The following ANKRD11 variants were observed in gnomAD, a reference collection of about 807,000 sequenced individuals.
ANKRD11 encodes ankyrin repeat domain-containing protein 11.
ANKRD11 carries 17 observed loss-of-function variants against 195.7 expected under a neutral mutation model. That is an observed-to-expected ratio of 0.09 (90% confidence interval 0.06 to 0.13). The LOEUF (loss-of-function observed/expected upper bound fraction) is 0.13. Ranked by LOEUF, ANKRD11 falls within the 10% of genes least tolerant of loss-of-function variation. The probability of loss-of-function intolerance (pLI) is 1.00; values close to 1 mark genes in which losing one functional copy is unlikely to be tolerated. For synonymous variants in ANKRD11, 1,953 were observed against 1,528.1 expected (o/e 1.28, Z -6.49); for missense variants, 3,735 against 3,566.1 (o/e 1.05, Z -1.21).
intron 9 of ANKRD11, chr16:89,277,739 G>C: frequency 6.6e-6 from 1 of 152,436 alleles, no homozygotes; most frequent in East Asian, 1.9e-4. Context: ...GCAGAGCTCA[G>C]AGCTTGGCAG....
At chr16:89,488,347 A>G (rs2057690020) in intron 1 of ANKRD11, among the ~76,000 whole-genome samples, 1 of 151,990 alleles carries the variant, frequency 6.6e-6, no homozygotes, top group South Asian at 2.1e-4. Flanking sequence ...CTACAGAAAG[A>G]GGAGAACAAC....
rs556998715 is a variant in ANKRD11 at position 89,452,902 on chromosome 16, C to T, written c.-144-34534G>A. Among the ~76,000 whole-genome samples the T allele has an allele frequency of 3.9e-5, 6 of 152,182 alleles. No individual in the cohort carries two copies. The East Asian group carries it at 1.2e-3, about 29-fold the overall frequency. The stretch of plus-strand genomic sequence containing the variant: ...GTCTTCTTGAAAGAAACTGCACACG[C>T]CCGCTTTTTCATACAATCACACATG... On this transcript the variant is annotated intron_variant, in intron 1 of 12. Transcript: ENST00000301030.
At chr16:89,428,042 TAATAAA>T (rs1220186123) in intron 1 of ANKRD11, among the ~76,000 whole-genome samples, 1 of 149,614 alleles carries the variant, frequency 6.7e-6, no homozygotes, top group Non-Finnish European at 1.5e-5. Context: ...ACGCCATCTC[TAATAAA>T]AATACAAAAA....
At position 89,279,403 on chromosome 16, in the gene ANKRD11, T is replaced by C. The variant is rs1285312280; in HGVS notation, c.7139A>G (p.Gln2380Arg). 9 of 1,544,856 alleles carry C rather than the reference T, an allele frequency of 5.8e-6. No individual in the cohort carries two copies. In the African/African-American group the frequency reaches 9.7e-5, roughly 17 times the overall value. Reference sequence around the variant, plus strand: ...GCGGCGTTTGCGCGGATGCTGGGCCTGGGCGTCGTCGTCCTCGGAGCCGCG... The same window carrying C: ...GCGGCGTTTGCGCGGATGCTGGGCCCGGGCGTCGTCGTCCTCGGAGCCGCG... ...KARGSEDDDA[Q>R]AQHPRKRRFQ... is the part of the protein sequence containing the mutation. The change falls in exon 9 of 13, where the codon CAG becomes CGG. Residue 2380 changes from glutamine (Q) to arginine (R), a missense_variant. Coordinates refer to ENST00000301030, the MANE Select transcript of ANKRD11 (RefSeq NM_013275.6). This position sits in a 1 kb window ranked among gnomAD's most constrained non-coding sequence, Gnocchi z 5.6.
At chr16:89,408,700 C>T (rs1297266847) in intron 2 of ANKRD11, among the ~76,000 whole-genome samples, 1 of 152,178 alleles carries the variant, frequency 6.6e-6, no homozygotes, top group Non-Finnish European at 1.5e-5. Flanking sequence ...AATACAACCA[C>T]CTCTGGCCTC....
intron 2 of ANKRD11, among the ~76,000 whole-genome samples, chr16:89,347,199 C>T (rs1370793032): frequency 1.1e-4 from 16 of 152,156 alleles, no homozygotes; most frequent in Admixed American, 1.0e-3. Flanking sequence ...CACAGCAGCA[C>T]CTGGGTGAGG....
chr16:89,288,903 T>C (rs1003846152), intron 6 of ANKRD11: 6 of 613,100 alleles, frequency 9.8e-6, no homozygotes, highest in Non-Finnish European at 1.7e-5. Flanking sequence ...CCCTACGGAC[T>C]GACAACCTGC....
chr16:89,388,369 A>G (rs966333060), intron 2 of ANKRD11, among the ~76,000 whole-genome samples: 5 of 136,990 alleles, frequency 3.6e-5, no homozygotes, highest in African/African-American at 1.4e-4. Context: ...TGACCTCGTG[A>G]TCTGCCCGCC....
chr16:89,324,503 T>C (rs1252351960), intron 2 of ANKRD11: 1 of 456,320 alleles, frequency 2.2e-6, no homozygotes, highest in Middle Eastern at 3.3e-4. Flanking sequence ...CCTGGGAGCA[T>C]CTTGAGGAAG....
chr16:89,279,799 T>C lies in ANKRD11; in HGVS notation c.6743A>G (p.Gln2248Arg). The C allele has an allele frequency of 9.1e-6, 14 of 1,539,388 alleles. No individual in the cohort carries two copies. Among genetic ancestry groups the C allele is most frequent in the Non-Finnish European group, 1.2e-5 (14 of 1,146,442 alleles). Residue 2248 changes from glutamine (Q) to arginine (R), a missense_variant, in exon 9 of 13, where the codon CAG becomes CGG. Physicochemically the swap from Gln to Arg is conservative, Grantham distance 43. Coordinates refer to ENST00000301030, the MANE Select transcript of ANKRD11 (RefSeq NM_013275.6). The surrounding 1 kb of genome is among the most constrained non-coding windows in gnomAD (Gnocchi z 5.6). ...SVEPAPVPPE[Q>R]RPLGSGDQGA... ...CTGGTCTCCGCTCCCCAGTGGGCGC[T>C]GTTCTGGGGGAACGGGCGCGGGCTC...
intron 1 of ANKRD11, among the ~76,000 whole-genome samples, chr16:89,469,795 A>C (rs974093778): frequency 2.2e-4 from 23 of 102,700 alleles, no homozygotes; most frequent in Admixed American, 6.4e-4. Context: ...GCTACTCGGG[A>C]GGCTGAGGCA....
intron 7 of ANKRD11, chr16:89,286,596 G>C: frequency 9.0e-7 from 1 of 1,116,830 alleles, no homozygotes; most frequent in Non-Finnish European, 1.1e-6. Context: ...GCTCAGGCAA[G>C]AGGTTAGGGA....
intron 2 of ANKRD11, among the ~76,000 whole-genome samples, chr16:89,374,679 G>A (rs2040343266): frequency 1.3e-5 from 2 of 152,204 alleles, no homozygotes; most frequent in Non-Finnish European, 2.9e-5. Context: ...CCTCCAGAGA[G>A]CATCGGGAAA....
chr16:89,444,887 C>T lies in ANKRD11; in HGVS notation c.-144-26519G>A, dbSNP rs961186021. Reference sequence around the variant, plus strand: ...TACAGTGTGAGAAATGCATGAGGGGCTTAAGCTCAGGGAACCACCACCTAA... The same window carrying T: ...TACAGTGTGAGAAATGCATGAGGGGTTTAAGCTCAGGGAACCACCACCTAA... On this transcript the variant is annotated intron_variant, in intron 1 of 12. Transcript: ENST00000301030. Among the ~76,000 whole-genome samples the T allele has an allele frequency of 4.6e-5, 7 of 152,328 alleles. No individual in the cohort carries two copies. The South Asian group carries it at 1.4e-3, about 32-fold the overall frequency.
rs542926090 is a variant in ANKRD11 at position 89,485,833 on chromosome 16, T to C, written c.-145+4412A>G. On this transcript the variant is annotated intron_variant, in intron 1 of 12. Coordinates refer to ENST00000301030, the MANE Select transcript of ANKRD11 (RefSeq NM_013275.6). ...ATATCACTCCACCTGCTCAGCTACA[T>C]GTGACCAGAGGGGCCTCCGGACAAA... Among the ~76,000 whole-genome samples the C allele has an allele frequency of 7.9e-5, 12 of 152,296 alleles. No individual in the cohort carries two copies. The South Asian group carries it at 2.1e-3, about 26-fold the overall frequency.
At chr16:89,357,507 T>TTTTGTATA (rs1312065691) in intron 2 of ANKRD11, among the ~76,000 whole-genome samples, 1 of 152,120 alleles carries the variant, frequency 6.6e-6, no homozygotes, top group Non-Finnish European at 1.5e-5. Flanking sequence ...GATCCAGCAG[T>TTTTGTATA]TCCCCTTCTG....
chr16:89,274,263 A>T (rs542874014), intron 11 of ANKRD11, among the ~76,000 whole-genome samples: 5 of 152,324 alleles, frequency 3.3e-5, no homozygotes, highest in African/African-American at 9.6e-5. Context: ...GGAGCCCCAC[A>T]GCAGATGGGC....
At chr16:89,437,851 A>G (rs893151537) in intron 1 of ANKRD11, among the ~76,000 whole-genome samples, 9 of 152,162 alleles carry the variant, frequency 5.9e-5, no homozygotes, top group African/African-American at 2.2e-4. Context: ...GCCCAGTTCA[A>G]TCTCCTATGG....
chr16:89,275,767 G>C (rs1437814688), intron 9 of ANKRD11, among the ~76,000 whole-genome samples: 1 of 152,214 alleles, frequency 6.6e-6, no homozygotes, highest in Non-Finnish European at 1.5e-5. Flanking sequence ...ACCAGCAGAA[G>C]GGTTCTCACA....
Sources: allele counts gnomAD v4.1 joint callset (sites outside exome capture counted in the v4.1 genomes callset), GRCh38; gene constraint gnomAD v4.1.1; non-coding constraint Gnocchi (gnomAD v3.1); transcripts MANE v1.5; gene names NCBI Gene and HGNC (gene_info 2026-07-23, HGNC 2026-07-21).